The following DLGAP2 variants were observed in gnomAD, a reference collection of about 807,000 sequenced individuals.
The protein encoded by DLGAP2 is disks large-associated protein 2.
DLGAP2 carries 26 observed loss-of-function variants against 100.3 expected under a neutral mutation model. The observed-to-expected ratio is 0.26, with a 90% CI of 0.19 to 0.36. The LOEUF (loss-of-function observed/expected upper bound fraction) is 0.36, where lower values mean the gene tolerates loss of function less well. Among genes scored for constraint, DLGAP2 ranks in the 10% least tolerant of loss-of-function variants. DLGAP2 has a pLI of 1.00. For missense variants in DLGAP2, 1,858 were observed against 1,453.2 expected, an observed-to-expected ratio of 1.28 and a Z score of -4.53; for synonymous variants, 886 against 630.1, an observed-to-expected ratio of 1.41 and a Z score of -6.08.
chr8:882,381 T>C (rs13249974), intron 1 of DLGAP2, among the ~76,000 whole-genome samples: 2,147 of 92,924 alleles, frequency 0.023, 4 homozygotes, highest in Middle Eastern at 0.051. Flanking sequence ...CCTCGCCTGA[T>C]CCAGCGGTAC....
chr8:1,646,365 T>C (rs1585029162), intron 8 of DLGAP2, among the ~76,000 whole-genome samples: 1 of 152,288 alleles, frequency 6.6e-6, no homozygotes, highest in South Asian at 2.1e-4. Flanking sequence ...TTTCTCTGTA[T>C]GTATTCACCT....
chr8:814,891 A>G (rs577351003), intron 1 of DLGAP2, among the ~76,000 whole-genome samples: 1 of 150,408 alleles, frequency 6.6e-6, no homozygotes, highest in African/African-American at 2.4e-5. Context: ...TATCAACATT[A>G]TAGCCCTTGA....
intron 3 of DLGAP2, among the ~76,000 whole-genome samples, chr8:1,479,588 C>A (rs1199716333): frequency 2.0e-5 from 3 of 152,154 alleles, no homozygotes; most frequent in Non-Finnish European, 2.9e-5. Flanking sequence ...ATTTCCCCTG[C>A]TTATCGATTC....
chr8:1,044,632 C>G (rs1802466638), intron 2 of DLGAP2, among the ~76,000 whole-genome samples: 1 of 152,234 alleles, frequency 6.6e-6, no homozygotes, highest in Non-Finnish European at 1.5e-5. Flanking sequence ...AGGGTCTCCT[C>G]TCCCATCCTT....
At chr8:772,643 C>A (rs1821396391) in intron 1 of DLGAP2, among the ~76,000 whole-genome samples, 1 of 152,150 alleles carries the variant, frequency 6.6e-6, no homozygotes, top group African/African-American at 2.4e-5. Flanking sequence ...ATTTTACTGT[C>A]TTTTCTTTGG....
chr8:847,523 T>A (rs970068442), intron 1 of DLGAP2, among the ~76,000 whole-genome samples: 1 of 152,202 alleles, frequency 6.6e-6, no homozygotes, highest in Non-Finnish European at 1.5e-5. Context: ...TTTTTTCTTT[T>A]TGAGACAAGG....
intron 12 of DLGAP2, among the ~76,000 whole-genome samples, chr8:1,684,359 T>C (rs4507794): frequency 0.097 from 14,680 of 152,066 alleles, 1,018 homozygotes; most frequent in East Asian, 0.23. Flanking sequence ...AGTTCAGATA[T>C]TTCCCTAAAT....
At chr8:1,133,051 G>C (rs983829050) in intron 2 of DLGAP2, among the ~76,000 whole-genome samples, 1 of 152,166 alleles carries the variant, frequency 6.6e-6, no homozygotes. Context: ...GTCCTTAGTC[G>C]GGGTCAGAGC....
At chr8:819,659 A>C (rs375245882) in intron 1 of DLGAP2, among the ~76,000 whole-genome samples, 1 of 152,358 alleles carries the variant, frequency 6.6e-6, no homozygotes, top group African/African-American at 2.4e-5. Context: ...ACTGTGCATG[A>C]CAGAGTAGTG....
chr8:1,478,716 G>A (rs1209067155), intron 3 of DLGAP2, among the ~76,000 whole-genome samples: 1 of 152,198 alleles, frequency 6.6e-6, no homozygotes, highest in Non-Finnish European at 1.5e-5. Flanking sequence ...CCGGGACATG[G>A]CATTTGGATG....
At chr8:1,139,589 T>C (rs111851417) in intron 2 of DLGAP2, among the ~76,000 whole-genome samples, 242 of 152,244 alleles carry the variant, frequency 1.6e-3, no homozygotes, top group African/African-American at 5.5e-3. Flanking sequence ...GTGTGAATCT[T>C]GAGGGTACAA....
At chr8:1,483,664 G>GCAGGAAGGCAGGTGCAGGAGGTGGGGAC (rs1799163247) in intron 3 of DLGAP2, among the ~76,000 whole-genome samples, 2 of 121,996 alleles carry the variant, frequency 1.6e-5, no homozygotes, top group African/African-American at 6.9e-5. Context: ...TCTACACAGA[G>GCAGGAAGGCAGGTGCAGGAGGTGGGGAC]CAGGGAGGCA....
chr8:994,508 T>C (rs910814588), intron 2 of DLGAP2, among the ~76,000 whole-genome samples: 1 of 152,174 alleles, frequency 6.6e-6, no homozygotes, highest in African/African-American at 2.4e-5. Context: ...CCTGGTGTTT[T>C]TTAATAACGG....
intron 1 of DLGAP2, among the ~76,000 whole-genome samples, chr8:824,454 G>A (rs1444415740): frequency 6.6e-6 from 1 of 152,140 alleles, no homozygotes; most frequent in African/African-American, 2.4e-5. Context: ...AGGAAATGAG[G>A]GAGCGCGTTG....
intron 1 of DLGAP2, among the ~76,000 whole-genome samples, chr8:901,873 G>C (rs1333276619): frequency 6.6e-6 from 1 of 152,228 alleles, no homozygotes; most frequent in East Asian, 1.9e-4. Context: ...TTGCAGGCTG[G>C]GCATGAGATT....
intron 2 of DLGAP2, among the ~76,000 whole-genome samples, chr8:1,233,163 G>A (rs1013565181): frequency 1.3e-5 from 2 of 152,206 alleles, no homozygotes; most frequent in Non-Finnish European, 2.9e-5. Context: ...CCATTGTTTG[G>A]ATATACCCCA....
At chr8:1,272,387 T>TTA (rs1157995213) in intron 3 of DLGAP2, among the ~76,000 whole-genome samples, 2 of 152,072 alleles carry the variant, frequency 1.3e-5, no homozygotes, top group African/African-American at 4.8e-5. Context: ...AAGAAAGTTT[T>TTA]TATATATATA....
At chr8:1,316,833 C>T (rs373514672) in intron 3 of DLGAP2, among the ~76,000 whole-genome samples, 3 of 142,554 alleles carry the variant, frequency 2.1e-5, no homozygotes, top group South Asian at 2.2e-4. Context: ...AGAGCCTGTG[C>T]GAGTGCAGCG....
intron 2 of DLGAP2, among the ~76,000 whole-genome samples, chr8:949,655 C>T (rs1225287813): frequency 6.6e-6 from 1 of 152,240 alleles, no homozygotes; most frequent in African/African-American, 2.4e-5. Flanking sequence ...GGCAGGTCCT[C>T]TTTCTCCTAC....
Sources: allele counts gnomAD v4.1 joint callset (sites outside exome capture counted in the v4.1 genomes callset), GRCh38; gene constraint gnomAD v4.1.1; transcripts MANE v1.5; gene names NCBI Gene and HGNC (gene_info 2026-07-23, HGNC 2026-07-21).